The following ORC4 variants were observed in gnomAD, a reference collection of about 807,000 sequenced individuals.
ORC4 encodes origin recognition complex, subunit 4 homolog.
ORC4 carries 55 observed loss-of-function variants against 63.9 expected under a neutral mutation model. That is an observed-to-expected ratio of 0.86 (90% CI 0.69 to 1.08). The LOEUF (loss-of-function observed/expected upper bound fraction) is 1.08. Ranked by LOEUF, ORC4 falls within the 50% of genes least tolerant of loss-of-function variation. The pLI, the probability that ORC4 is intolerant of heterozygous loss-of-function variation, is 0.00. For missense variants in ORC4, 511 were observed against 504.4 expected (o/e 1.01, Z -0.13); for synonymous variants, 150 against 168.5 (o/e 0.89, Z 0.85).
chr2:148,007,775 T>C (rs892140939), intron 1 of ORC4, among the ~76,000 whole-genome samples: 2 of 152,058 alleles, frequency 1.3e-5, no homozygotes, highest in Non-Finnish European at 2.9e-5. Context: ...AGGCATATAA[T>C]AATTAAAGTC....
chr2:147,968,402 G>T (rs1690020048), intron 4 of ORC4, among the ~76,000 whole-genome samples: 1 of 151,954 alleles, frequency 6.6e-6, no homozygotes, highest in Non-Finnish European at 1.5e-5. Context: ...ATCTCATAGG[G>T]ATTCATATCC....
intron 4 of ORC4, among the ~76,000 whole-genome samples, chr2:147,963,470 G>A (rs1027320554): frequency 6.6e-6 from 1 of 152,128 alleles, no homozygotes; most frequent in Non-Finnish European, 1.5e-5. Context: ...TCCTAAACCT[G>A]AGAAACAATC....
chr2:147,943,544 AAGCC>A, intron 9 of ORC4, 22 bp from the exon 10 acceptor site: 2 of 1,333,296 alleles, frequency 1.5e-6, no homozygotes, highest in Non-Finnish European at 2.1e-6. Context: ...AAAAAAAAAA[AAGCC>A]AAAATTGAGG....
chr2:148,014,333 G>C (rs1157435738), intron 1 of ORC4, among the ~76,000 whole-genome samples: 1 of 152,168 alleles, frequency 6.6e-6, no homozygotes, highest in East Asian at 1.9e-4. Context: ...TAGAATTCAT[G>C]ATCTTAAAGT....
At chr2:147,947,844 T>G (rs1350471629) in intron 9 of ORC4, 3 of 458,748 alleles carry the variant, frequency 6.5e-6, no homozygotes, top group Non-Finnish European at 3.9e-6. Context: ...TTAACTGTGA[T>G]GTTCTTTTGA....
intron 6 of ORC4, among the ~76,000 whole-genome samples, chr2:147,957,967 T>A (rs866906743): frequency 6.6e-6 from 1 of 152,096 alleles, no homozygotes; most frequent in South Asian, 2.1e-4. Context: ...TGCTGGAGCA[T>A]GGTATTTTTA....
intron 1 of ORC4, among the ~76,000 whole-genome samples, chr2:148,007,856 T>C (rs1456194456): frequency 2.0e-5 from 3 of 152,192 alleles, no homozygotes; most frequent in Non-Finnish European, 2.9e-5. Flanking sequence ...ATGAAGGAGT[T>C]ATACTACATC....
chr2:147,960,081 ATTTTGTTTTAATTCAT>A (rs1246643171), intron 4 of ORC4, among the ~76,000 whole-genome samples: 2 of 151,976 alleles, frequency 1.3e-5, no homozygotes, highest in African/African-American at 4.8e-5. Context: ...CTAGGTTATG[ATTTTGTTTTAATTCAT>A]ACAATGTTTT....
At chr2:148,019,968 C>A (rs139263241) in intron 1 of ORC4, among the ~76,000 whole-genome samples, 1 of 151,914 alleles carries the variant, frequency 6.6e-6, no homozygotes, top group African/African-American at 2.4e-5. Context: ...TTAAAACTCT[C>A]ATCTACACTA....
At chr2:147,939,020 T>C (rs1361938474) in intron 11 of ORC4, 120 bp downstream of exon 11, 4 of 694,150 alleles carry the variant, frequency 5.8e-6, no homozygotes, top group Non-Finnish European at 1.0e-5. Flanking sequence ...AAAGGCTATA[T>C]GGATACGAAA....
intron 1 of ORC4, among the ~76,000 whole-genome samples, chr2:147,976,620 C>G (rs751550626): frequency 1.3e-4 from 20 of 152,018 alleles, no homozygotes; most frequent in Non-Finnish European, 2.1e-4. Context: ...ACCCATCCAT[C>G]CCACAGGATC....
At chr2:147,974,729 C>T (rs1690435750) in intron 2 of ORC4, among the ~76,000 whole-genome samples, 1 of 145,628 alleles carries the variant, frequency 6.9e-6, no homozygotes. Flanking sequence ...CATAAAAGAA[C>T]ATATATATGC....
At chr2:147,958,257 C>G (rs199739323) in intron 6 of ORC4, 41 bp downstream of exon 6, 18 of 1,276,666 alleles carry the variant, frequency 1.4e-5, no homozygotes, top group African/African-American at 5.9e-5. Context: ...AAGACATTAC[C>G]TTAAAAGTCT....
chr2:148,005,760 T>C (rs1692590859), intron 1 of ORC4, among the ~76,000 whole-genome samples: 1 of 151,108 alleles, frequency 6.6e-6, no homozygotes, highest in African/African-American at 2.4e-5. Context: ...GAGTGGATCA[T>C]TTGATCTCAG....
At chr2:148,006,965 C>T (rs1039957370) in intron 1 of ORC4, among the ~76,000 whole-genome samples, 1 of 152,234 alleles carries the variant, frequency 6.6e-6, no homozygotes, top group African/African-American at 2.4e-5. Context: ...GCAAGAGACT[C>T]TGCCTGGTAA....
chr2:148,006,008 A>T (rs1692605950), intron 1 of ORC4, among the ~76,000 whole-genome samples: 1 of 152,080 alleles, frequency 6.6e-6, no homozygotes, highest in Admixed American at 6.6e-5. Flanking sequence ...ACTAACAAAC[A>T]AACAAAAAAT....
chr2:148,003,962 A>G (rs1692465506), intron 1 of ORC4, among the ~76,000 whole-genome samples: 2 of 152,198 alleles, frequency 1.3e-5, no homozygotes, highest in African/African-American at 4.8e-5. Flanking sequence ...CTATATACCA[A>G]TAATAGACAA....
In ORC4 at chr2:147,931,163, A is replaced by G. The variant is rs1687710289; in HGVS notation, c.*4347T>C. 6.6e-6 allele frequency: 1 copy of G among 150,452 alleles called. No homozygotes were observed. Among genetic ancestry groups the G allele is most frequent in the Admixed American group, 6.7e-5 (1 of 15,036 alleles). 9.3% of individuals were successfully genotyped at this position (150,452 alleles called of 1,614,324 possible). A position where few individuals can be genotyped will look rare whatever the true frequency, so the allele number is the denominator to read the frequency against. On this transcript the variant is annotated 3_prime_UTR_variant, in exon 14 of 14. Coordinates refer to ENST00000392857, the MANE Select transcript of ORC4 (RefSeq NM_181741.4). ...AGAATGATGATTTCCAATTTCATCC[A>G]TGTCCCTACAAAGGACATGAACTCA...
chr2:148,017,944 C>T (rs1002694181), intron 1 of ORC4, among the ~76,000 whole-genome samples: 1 of 152,036 alleles, frequency 6.6e-6, no homozygotes, highest in Non-Finnish European at 1.5e-5. Flanking sequence ...GTTTAAACTA[C>T]GTATACAATT....
Sources: allele counts gnomAD v4.1 joint callset (sites outside exome capture counted in the v4.1 genomes callset), GRCh38; gene constraint gnomAD v4.1.1; transcripts MANE v1.5; gene names NCBI Gene and HGNC (gene_info 2026-07-23, HGNC 2026-07-21).